GATAD2B: variants seen among roughly 807,000 people sequenced by gnomAD.
GATAD2B encodes the protein transcriptional repressor p66-beta.
GATAD2B carries 8 observed loss-of-function variants against 64.3 expected under a neutral mutation model. The observed-to-expected ratio is 0.12, with a 90% CI of 0.07 to 0.22. GATAD2B has a LOEUF of 0.22. GATAD2B is among the 10% of genes least tolerant of loss of function. GATAD2B has a pLI of 1.00. For missense variants in GATAD2B, 453 were observed against 752.0 expected (o/e 0.60, Z 4.65); for synonymous variants, 281 against 271.3 (o/e 1.04, Z -0.35).
Position 153,808,854 on chromosome 1 carries a change from G to C in GATAD2B, c.*1323C>G, listed in dbSNP as rs956707208. The C allele has an allele frequency of 2.0e-5, 3 of 152,200 alleles. No homozygotes were observed. The highest frequency in any genetic ancestry group is 4.4e-5 in the Non-Finnish European group (3 of 68,066). The allele number at this position is 152,200 out of a possible 1,614,324, so 9.4% of individuals were successfully genotyped here. Reference sequence around the variant, plus strand: ...AATATCATTCTGGGGGCGGGCGGGGGGCAGTGGGAAGCAACTATTTGTACA... The same window carrying C: ...AATATCATTCTGGGGGCGGGCGGGGCGCAGTGGGAAGCAACTATTTGTACA... On this transcript the variant is annotated 3_prime_UTR_variant, in exon 11 of 11. Coordinates refer to ENST00000368655, the MANE Select transcript of GATAD2B (RefSeq NM_020699.4).
At chr1:153,859,724 GTAA>G (rs1382007795) in intron 1 of GATAD2B, among the ~76,000 whole-genome samples, 2 of 151,090 alleles carry the variant, frequency 1.3e-5, no homozygotes, top group Non-Finnish European at 2.9e-5. Flanking sequence ...TATGAATAGA[GTAA>G]TAATATGTCC....
At position 153,819,821 on chromosome 1, in the gene GATAD2B, G is replaced by A. The variant is rs75524443; in HGVS notation, c.336-86C>T. The A allele has an allele frequency of 0.069, 83,474 of 1,209,922 alleles. 4,241 individuals carry two copies. Among genetic ancestry groups the A allele is most frequent in the East Asian group, 0.19 (7,712 of 39,966 alleles). The allele number at this position is 1,209,922 out of a possible 1,614,324, so 74.9% of individuals were successfully genotyped here. On this transcript the variant is annotated intron_variant, in intron 2 of 10. Coordinates refer to ENST00000368655, the MANE Select transcript of GATAD2B (RefSeq NM_020699.4). ...GAATTAAAAAAATCCAAGGGGGGCC[G>A]GGTGCGGTGGCTCACTCCTGTAATC...
chr1:153,889,413 CAAA>C lies in GATAD2B; in HGVS notation c.-2+33317_-2+33319del, dbSNP rs71093299. The stretch of plus-strand genomic sequence containing the variant: ...GGCAACAAGAGCGAAACCCCGTCTC[CAAA>C]AAAAAAAAAAAAAAAAAAAACACAC... On this transcript the variant is annotated intron_variant, in intron 1 of 10. Transcript: ENST00000368655. Among the ~76,000 whole-genome samples, 33 of 67,886 alleles carry C rather than the reference CAAA, an allele frequency of 4.9e-4. No individual in the cohort carries two copies. The South Asian group carries it at 0.014, about 28-fold the overall frequency. 44.5% of individuals were successfully genotyped at this position (67,886 alleles called of 152,430 possible).
At chr1:153,848,656 G>C (rs1420917776) in intron 1 of GATAD2B, among the ~76,000 whole-genome samples, 1 of 152,056 alleles carries the variant, frequency 6.6e-6, no homozygotes, top group South Asian at 2.1e-4. Flanking sequence ...ATCTCCATTT[G>C]GGTGTTGTCT....
rs183117698 is a variant in GATAD2B at position 153,910,040 on chromosome 1, A to G, written c.-2+12693T>C. Reference sequence around the variant, plus strand: ...TGAGGCAGGCGAATTGCTTGAACCTAAGAGGCAGAGGTTGCAGTGAGCCAA... The same window carrying G: ...TGAGGCAGGCGAATTGCTTGAACCTGAGAGGCAGAGGTTGCAGTGAGCCAA... On this transcript the variant is annotated intron_variant, in intron 1 of 10. Coordinates refer to ENST00000368655, the MANE Select transcript of GATAD2B (RefSeq NM_020699.4). Among the ~76,000 whole-genome samples the G allele has an allele frequency of 9.4e-4, 143 of 151,476 alleles. 1 individual carries two copies. The highest frequency in any genetic ancestry group is 1.9e-3 in the Non-Finnish European group (127 of 67,690).
intron 1 of GATAD2B, among the ~76,000 whole-genome samples, chr1:153,903,033 C>T (rs1350663520): frequency 1.3e-5 from 2 of 151,914 alleles, no homozygotes; most frequent in Admixed American, 6.6e-5. Context: ...CTGGCTAACA[C>T]GGTGAAACCT....
chr1:153,884,068 G>A (rs1677091633), intron 1 of GATAD2B, among the ~76,000 whole-genome samples: 1 of 152,238 alleles, frequency 6.6e-6, no homozygotes. Context: ...AGGCTGAGGC[G>A]GGCAGACCAC....
intron 1 of GATAD2B, among the ~76,000 whole-genome samples, chr1:153,890,202 A>G (rs1677330929): frequency 6.7e-6 from 1 of 150,226 alleles, no homozygotes; most frequent in African/African-American, 2.4e-5. Context: ...AAAAAGAAAG[A>G]TAAGAGGCCT....
Position 153,851,089 on chromosome 1 carries a change from T to C in GATAD2B, c.-1-22741A>G, listed in dbSNP as rs185658677. Among the ~76,000 whole-genome samples, 1,200 of 152,272 alleles carry C rather than the reference T, an allele frequency of 7.9e-3. 8 individuals carry two copies. The highest frequency in any genetic ancestry group is 0.013 in the Non-Finnish European group (881 of 68,012). On this transcript the variant is annotated intron_variant, in intron 1 of 10. Coordinates refer to ENST00000368655, the MANE Select transcript of GATAD2B (RefSeq NM_020699.4). The stretch of plus-strand genomic sequence containing the variant: ...CGTTTGACATTAATTTTACATACAT[T>C]GTTTAGCAACTCCCCAATTTCTCCT...
At position 153,908,781 on chromosome 1, in the gene GATAD2B, G is replaced by GAAAA. The variant is rs1557832980; in HGVS notation, c.-2+13951_-2+13952insTTTT. On this transcript the variant is annotated intron_variant, in intron 1 of 10. Transcript: ENST00000368655. ...CCGCACCTGGCCTAGAAACATACTTGGAAAAAAAAAAAAAAAAAAAAGAAA... is the reference window on the plus strand; with the variant it reads ...CCGCACCTGGCCTAGAAACATACTTGAAAAGAAAAAAAAAAAAAAAAAAAAGAAA... 3.1e-4 allele frequency among the ~76,000 whole-genome samples: 9 copies of GAAAA among 29,146 alleles called. 1 individual carries two copies. Among genetic ancestry groups the GAAAA allele is most frequent in the African/African-American group, 2.5e-4 (4 of 16,312 alleles). The allele number at this position is 29,146 out of a possible 152,430, so 19.1% of individuals were successfully genotyped here. A position where few individuals can be genotyped will look rare whatever the true frequency, so the allele number is the denominator to read the frequency against.
chr1:153,903,165 C>T (rs1195851401), intron 1 of GATAD2B, among the ~76,000 whole-genome samples: 1 of 151,898 alleles, frequency 6.6e-6, no homozygotes, highest in African/African-American at 2.4e-5. Flanking sequence ...TTGCAGTGAA[C>T]CGAGATCGCT....
At chr1:153,832,743 C>A (rs1675122768) in intron 1 of GATAD2B, among the ~76,000 whole-genome samples, 1 of 152,262 alleles carries the variant, frequency 6.6e-6, no homozygotes, top group South Asian at 2.1e-4. Flanking sequence ...CTATTGAACT[C>A]ATCACCCAAA....
intron 2 of GATAD2B, among the ~76,000 whole-genome samples, chr1:153,822,657 C>A (rs1179295718): frequency 6.6e-6 from 1 of 152,006 alleles, no homozygotes; most frequent in African/African-American, 2.4e-5. Context: ...GTGCCCGCCA[C>A]CACACCCGGC....
At chr1:153,915,950 A>G (rs1051219702) in intron 1 of GATAD2B, among the ~76,000 whole-genome samples, 2 of 152,170 alleles carry the variant, frequency 1.3e-5, no homozygotes, top group African/African-American at 4.8e-5. Flanking sequence ...AGTAAGTGTT[A>G]GACTATTTTG....
At chr1:153,884,157 C>T (rs897626145) in intron 1 of GATAD2B, among the ~76,000 whole-genome samples, 1 of 151,392 alleles carries the variant, frequency 6.6e-6, no homozygotes, top group Non-Finnish European at 1.5e-5. Context: ...ATTAGCCTGG[C>T]GTTGCAGGCA....
chr1:153,847,861 C>T lies in GATAD2B; in HGVS notation c.-1-19513G>A, dbSNP rs537518786. ...AATTTCTATTGTTCCTAATTTTCAACTGTGTTGGATATACTGTTTAACTTA... is the reference window on the plus strand; with the variant it reads ...AATTTCTATTGTTCCTAATTTTCAATTGTGTTGGATATACTGTTTAACTTA... On this transcript the variant is annotated intron_variant, in intron 1 of 10. Transcript: ENST00000368655. Among the ~76,000 whole-genome samples, 8 of 152,176 alleles carry T rather than the reference C, an allele frequency of 5.3e-5. No homozygotes were observed. The South Asian group carries it at 1.7e-3, about 32-fold the overall frequency.
chr1:153,894,882 G>C (rs1377380498), intron 1 of GATAD2B, among the ~76,000 whole-genome samples: 1 of 151,556 alleles, frequency 6.6e-6, no homozygotes, highest in Non-Finnish European at 1.5e-5. Context: ...ACAAAGGCTG[G>C]GCGAGGTGGC....
Position 153,813,520 on chromosome 1 carries a change from G to T in GATAD2B, c.1217-68C>A, listed in dbSNP as rs576626570. On this transcript the variant is annotated intron_variant, in intron 7 of 10. Transcript: ENST00000368655. ...CTCCTCTGTTTCTCTTAATCAAATA[G>T]ATCTTTTCCAGGAGTTTATTCTGTT... The T allele has an allele frequency of 7.5e-6, 8 of 1,070,024 alleles. No individual in the cohort carries two copies. The African/African-American group carries it at 9.3e-5, about 12-fold the overall frequency. The allele number at this position is 1,070,024 out of a possible 1,614,324, so 66.3% of individuals were successfully genotyped here.
rs1310960144 is a variant in GATAD2B at position 153,805,187 on chromosome 1, C to T, written c.*4990G>A. 5 of 152,126 alleles carry T rather than the reference C, an allele frequency of 3.3e-5. No homozygotes were observed. In the South Asian group the frequency reaches 1.0e-3, roughly 32 times the overall value. The allele number at this position is 152,126 out of a possible 1,614,324, so 9.4% of individuals were successfully genotyped here. A position where few individuals can be genotyped will look rare whatever the true frequency, so the allele number is the denominator to read the frequency against. On this transcript the variant is annotated 3_prime_UTR_variant, in exon 11 of 11. Transcript: ENST00000368655. ...AAGAAGAGAGTAGGAGTACTCAGCC[C>T]AGGCTGTGGGGAAATTGGGCCCCTG...
Sources: gnomAD v4.1 joint callset for allele counts (sites outside exome capture counted in the v4.1 genomes callset) on GRCh38, gnomAD v4.1.1 for gene constraint, MANE v1.5 for transcripts, NCBI Gene and HGNC (gene_info 2026-07-23, HGNC 2026-07-21) for gene names.